GRIN2A: variants seen among roughly 807,000 people sequenced by gnomAD.
GRIN2A encodes glutamate receptor ionotropic, NMDA 2A.
GRIN2A carries 22 observed loss-of-function variants against 113.4 expected under a neutral mutation model. The ratio of observed to expected loss-of-function variants is 0.19; its 90% CI spans 0.14 to 0.28. GRIN2A has a LOEUF of 0.28. Among genes scored for constraint, GRIN2A ranks in the 10% least tolerant of loss-of-function variants. The pLI, the probability that GRIN2A is intolerant of heterozygous loss-of-function variation, is 1.00. For missense variants in GRIN2A, 1,502 were observed against 1,887.0 expected, an observed-to-expected ratio of 0.80 and a Z score of 3.78; for synonymous variants, 827 against 738.4, an observed-to-expected ratio of 1.12 and a Z score of -1.94.
At position 9,840,941 on chromosome 16, in the gene GRIN2A, C is replaced by T. The variant is rs757713617; in HGVS notation, c.1492G>A (p.Gly498Ser). Reference protein sequence around the residue: ...KVNNVWNGMIGEVVYQRAVMA... With the variant: ...KVNNVWNGMISEVVYQRAVMA... ...GGGATGAAAAGATAACTTACTTCAC[C>T]GATCATTCCATTCCACACATTGTTA... Residue 498 changes from glycine to serine, a missense_variant, in exon 6 of 13, where the codon GGT becomes AGT. Gly to Ser is a moderately conservative substitution (Grantham distance 56). Coordinates refer to ENST00000330684, the MANE Select transcript of GRIN2A (RefSeq NM_001134407.3). 1 of 1,613,714 alleles carries T rather than the reference C, an allele frequency of 6.2e-7. No individual in the cohort carries two copies. Among genetic ancestry groups the T allele is most frequent in the Non-Finnish European group, 8.5e-7 (1 of 1,179,744 alleles).
chr16:9,763,380 T>C lies in GRIN2A; in HGVS notation c.4164A>G (p.Lys1388=), dbSNP rs2141125999. Residue 1388 remains lysine (K), a synonymous_variant, in exon 13 of 13, where the codon AAA becomes AAG. Transcript: ENST00000330684. ...TCACCGCCTGGGATGGCAACGAGTGTTTGTAAGGGTCCGAGGGGCATCTCC... is the reference window on the plus strand; with the variant it reads ...TCACCGCCTGGGATGGCAACGAGTGCTTGTAAGGGTCCGAGGGGCATCTCC... ...VIGRCPSDPY[K]HSLPSQAVND... is the part of the protein sequence containing the mutation. 1 of 1,614,024 alleles carries C rather than the reference T, an allele frequency of 6.2e-7. No individual in the cohort carries two copies. Among genetic ancestry groups the C allele is most frequent in the Non-Finnish European group, 8.5e-7 (1 of 1,179,998 alleles).
At chr16:9,846,119 G>T (rs1325810927) in intron 5 of GRIN2A, among the ~76,000 whole-genome samples, 1 of 152,106 alleles carries the variant, frequency 6.6e-6, no homozygotes, top group Non-Finnish European at 1.5e-5. Flanking sequence ...CCAAAACATG[G>T]TCTGTTTCAC....
intron 2 of GRIN2A, among the ~76,000 whole-genome samples, chr16:10,078,569 T>G (rs2047919668): frequency 6.6e-6 from 1 of 152,064 alleles, no homozygotes; most frequent in South Asian, 2.1e-4. Context: ...CCCCAGCCCC[T>G]GGGGGCAGGA....
intron 4 of GRIN2A, among the ~76,000 whole-genome samples, chr16:9,865,858 T>C (rs2043152327): frequency 6.6e-6 from 1 of 152,076 alleles, no homozygotes; most frequent in Non-Finnish European, 1.5e-5. Context: ...TTGAAAAAAA[T>C]GAAAAGAATA....
At chr16:10,040,562 A>G (rs2047144130) in intron 2 of GRIN2A, among the ~76,000 whole-genome samples, 1 of 126,594 alleles carries the variant, frequency 7.9e-6, no homozygotes, top group South Asian at 3.1e-4. Flanking sequence ...AGACATACAA[A>G]CCCACATATT....
chr16:10,031,560 A>G (rs561849289), intron 2 of GRIN2A: 1 of 152,326 alleles, frequency 6.6e-6, no homozygotes, highest in South Asian at 2.1e-4. Flanking sequence ...CCCAGCAGAG[A>G]GCCCGTAGAC....
chr16:9,771,697 C>T (rs943880712), intron 11 of GRIN2A, among the ~76,000 whole-genome samples: 1 of 151,992 alleles, frequency 6.6e-6, no homozygotes, highest in African/African-American at 2.4e-5. Context: ...CCTCTAAGCC[C>T]CATGGGACTC....
At chr16:10,064,552 A>T (rs1237603223) in intron 2 of GRIN2A, among the ~76,000 whole-genome samples, 1 of 152,240 alleles carries the variant, frequency 6.6e-6, no homozygotes, top group Non-Finnish European at 1.5e-5. Context: ...ATGTTTCTCA[A>T]GCTTTTATGA....
intron 3 of GRIN2A, among the ~76,000 whole-genome samples, chr16:9,934,678 TAAAAAAAAAAAA>T (rs33916243): frequency 5.9e-5 from 3 of 50,942 alleles, no homozygotes; most frequent in East Asian, 7.1e-4. Context: ...AGACTCTGTC[TAAAAAAAAAAAA>T]AAAAAAAAAA....
intron 2 of GRIN2A, among the ~76,000 whole-genome samples, chr16:9,958,711 A>G (rs568746479): frequency 1.3e-5 from 2 of 152,248 alleles, no homozygotes; most frequent in South Asian, 4.1e-4. Flanking sequence ...TTTGCATACC[A>G]GATTGCAAGC....
At chr16:9,769,240 C>T (rs558256875) in intron 11 of GRIN2A, 151 bp from the exon 12 acceptor site, 11 of 673,044 alleles carry the variant, frequency 1.6e-5, no homozygotes, top group Non-Finnish European at 2.9e-5. Context: ...TTGCTCACTT[C>T]TTGAGTGAAG....
intron 11 of GRIN2A, among the ~76,000 whole-genome samples, chr16:9,789,222 C>T (rs1258123667): frequency 1.3e-5 from 2 of 152,162 alleles, no homozygotes; most frequent in East Asian, 3.9e-4. Context: ...AGGCAGTAAC[C>T]GGGATTTGGG....
chr16:10,022,948 A>G (rs1288781577), intron 2 of GRIN2A, among the ~76,000 whole-genome samples: 1 of 152,216 alleles, frequency 6.6e-6, no homozygotes, highest in Non-Finnish European at 1.5e-5. Context: ...TGGTATTCCA[A>G]TGTCTACCAG....
chr16:9,857,043 T>C (rs558052129), intron 4 of GRIN2A, among the ~76,000 whole-genome samples: 1 of 152,304 alleles, frequency 6.6e-6, no homozygotes, highest in African/African-American at 2.4e-5. Flanking sequence ...TGTCGTCTTA[T>C]AACCTCGGTG....
At chr16:9,960,167 C>A (rs2045408373) in intron 2 of GRIN2A, among the ~76,000 whole-genome samples, 1 of 152,136 alleles carries the variant, frequency 6.6e-6, no homozygotes, top group Non-Finnish European at 1.5e-5. Context: ...GGGGCTCAAT[C>A]AACAATGTCC....
chr16:9,778,693 T>C (rs1467744581), intron 11 of GRIN2A, among the ~76,000 whole-genome samples: 1 of 152,226 alleles, frequency 6.6e-6, no homozygotes. Flanking sequence ...GATGCTTCTT[T>C]TACCTAGTAG....
intron 2 of GRIN2A, among the ~76,000 whole-genome samples, chr16:10,113,794 T>C (rs188266549): frequency 1.1e-4 from 17 of 152,368 alleles, no homozygotes; most frequent in Admixed American, 1.1e-3. Context: ...CATTATTGTT[T>C]AATATGTGTG....
chr16:10,122,886 ACGTGGACATTTCCAGGTC>A (rs1176438424), intron 2 of GRIN2A, among the ~76,000 whole-genome samples: 4 of 152,184 alleles, frequency 2.6e-5, no homozygotes, highest in African/African-American at 9.7e-5. Flanking sequence ...GGTAAAGCCC[ACGTGGACATTTCCAGGTC>A]CCTGGGGCAT....
intron 4 of GRIN2A, among the ~76,000 whole-genome samples, chr16:9,881,874 G>A (rs146332770): frequency 1.3e-5 from 2 of 152,144 alleles, no homozygotes; most frequent in Admixed American, 6.5e-5. Context: ...CCACATAATC[G>A]TTCTATCAAT....
Sources: allele counts gnomAD v4.1 joint callset (sites outside exome capture counted in the v4.1 genomes callset), GRCh38; gene constraint gnomAD v4.1.1; transcripts MANE v1.5; gene names NCBI Gene and HGNC (gene_info 2026-07-23, HGNC 2026-07-21).